The following SHANK2 variants were observed in gnomAD, a reference collection of about 807,000 sequenced individuals.
The protein encoded by SHANK2 is SH3 and multiple ankyrin repeat domains 2.
A neutral mutation model predicts 133.7 loss-of-function variants in SHANK2; 43 were observed. The ratio of observed to expected loss-of-function variants is 0.32; its 90% CI spans 0.25 to 0.41. The LOEUF (loss-of-function observed/expected upper bound fraction) is 0.41, where lower values mean the gene tolerates loss of function less well. Among genes scored for constraint, SHANK2 ranks in the 10% least tolerant of loss-of-function variants. The pLI is 1.00. For missense variants in SHANK2, 1,994 were observed against 2,235.8 expected (o/e 0.89, Z 2.18); for synonymous variants, 1,017 against 952.8 (o/e 1.07, Z -1.24).
intron 10 of SHANK2, chr11:70,950,034 T>C (rs1387311968): frequency 2.2e-6 from 1 of 456,538 alleles, no homozygotes; most frequent in Non-Finnish European, 4.4e-6. Flanking sequence ...TGTGTCTTCA[T>C]GGGCGGAAAG....
chr11:71,126,019 A>G (rs562163719), intron 3 of SHANK2, among the ~76,000 whole-genome samples: 1 of 152,174 alleles, frequency 6.6e-6, no homozygotes, highest in East Asian at 1.9e-4. Flanking sequence ...AGAGACAGAG[A>G]CCAGCCTGGC....
At chr11:70,636,299 G>T (rs530773267) in intron 17 of SHANK2, among the ~76,000 whole-genome samples, 1 of 152,226 alleles carries the variant, frequency 6.6e-6, no homozygotes, top group African/African-American at 2.4e-5. Flanking sequence ...GAGTATGTGT[G>T]TGAGCAGATG....
intron 15 of SHANK2, 175 bp from the exon 16 acceptor site, chr11:70,661,853 G>C (rs1278116233): frequency 2.5e-6 from 4 of 1,580,668 alleles, no homozygotes; most frequent in Admixed American, 1.7e-5. Context: ...AAGGAAGAGG[G>C]GGGTGGCTAC....
At chr11:71,244,314 C>T (rs1954932690) in intron 1 of SHANK2, among the ~76,000 whole-genome samples, 1 of 152,244 alleles carries the variant, frequency 6.6e-6, no homozygotes, top group African/African-American at 2.4e-5. Flanking sequence ...AAGCCCCTGA[C>T]TAAACTCCAC....
intron 17 of SHANK2, among the ~76,000 whole-genome samples, chr11:70,560,694 C>T (rs951473363): frequency 1.5e-4 from 22 of 150,682 alleles, no homozygotes; most frequent in African/African-American, 5.4e-4. Context: ...CGCAGTGGCA[C>T]GATCTCGGCT....
At position 70,505,619 on chromosome 11, in the gene SHANK2, C is replaced by A. The variant is rs114915878; in HGVS notation, c.2062-2688G>T. Among the ~76,000 whole-genome samples, 920 of 152,276 alleles carry A rather than the reference C, an allele frequency of 6.0e-3. 6 individuals are homozygous for A. The highest frequency in any genetic ancestry group is 0.02 in the African/African-American group (852 of 41,584). On this transcript the variant is annotated intron_variant, in intron 17 of 25. Transcript: ENST00000601538. ...TGCCGGGCCTTGAGGGGGCTCCAAC[C>A]AAGAAAGTGCATATTACTGCCTGCT...
intron 9 of SHANK2, among the ~76,000 whole-genome samples, chr11:71,064,993 G>C (rs957768180): frequency 6.6e-6 from 1 of 152,140 alleles, no homozygotes; most frequent in Non-Finnish European, 1.5e-5. Flanking sequence ...AGGTCACCTC[G>C]GGAGTCACTG....
At chr11:70,670,199 C>T (rs1191581122) in intron 15 of SHANK2, among the ~76,000 whole-genome samples, 2 of 152,220 alleles carry the variant, frequency 1.3e-5, no homozygotes, top group African/African-American at 4.8e-5. Context: ...CTGAGAGCAG[C>T]TTCGCTAAAT....
intron 14 of SHANK2, among the ~76,000 whole-genome samples, chr11:70,714,863 C>T (rs1354268881): frequency 6.6e-6 from 1 of 152,028 alleles, no homozygotes; most frequent in Non-Finnish European, 1.5e-5. Context: ...TGGAGTACAG[C>T]AGTGCAATCA....
chr11:70,489,973 C>T, intron 23 of SHANK2: 1 of 158,950 alleles, frequency 6.3e-6, no homozygotes, highest in South Asian at 2.0e-4. Flanking sequence ...TCGCACCACC[C>T]CGCCCACCCT....
chr11:70,532,921 G>A (rs1357181131), intron 17 of SHANK2, among the ~76,000 whole-genome samples: 2 of 77,474 alleles, frequency 2.6e-5, no homozygotes, highest in Non-Finnish European at 5.2e-5. Context: ...GACACTCACA[G>A]AAAGGAATGA....
At chr11:70,700,692 T>C (rs1182430777) in intron 14 of SHANK2, among the ~76,000 whole-genome samples, 1 of 152,162 alleles carries the variant, frequency 6.6e-6, no homozygotes, top group Non-Finnish European at 1.5e-5. Flanking sequence ...TTATGAAGTC[T>C]GCCTGGCAGC....
chr11:70,610,948 A>G (rs1275068317), intron 17 of SHANK2, among the ~76,000 whole-genome samples: 1 of 152,234 alleles, frequency 6.6e-6, no homozygotes, highest in Non-Finnish European at 1.5e-5. Context: ...ATATGGAACT[A>G]TGGGGCACGG....
chr11:71,173,143 TA>T (rs1305123171), intron 2 of SHANK2, among the ~76,000 whole-genome samples: 52 of 152,376 alleles, frequency 3.4e-4, no homozygotes, highest in African/African-American at 1.2e-3. Flanking sequence ...CTATTACATT[TA>T]TTTTTTCAAG....
intron 2 of SHANK2, among the ~76,000 whole-genome samples, chr11:71,192,962 A>G (rs985119104): frequency 2.6e-5 from 4 of 152,344 alleles, no homozygotes; most frequent in East Asian, 3.9e-4. Context: ...CAAACATCCA[A>G]TTCAAACAAG....
At chr11:70,650,336 CAG>C (rs1299303319) in intron 17 of SHANK2, among the ~76,000 whole-genome samples, 3 of 152,172 alleles carry the variant, frequency 2.0e-5, no homozygotes, top group African/African-American at 4.8e-5. Context: ...TCCAAGGACA[CAG>C]GGGACAGAAA....
In SHANK2 at chr11:71,225,595, T is replaced by C. The variant is rs549208666; in HGVS notation, c.-112-799A>G. Among the ~76,000 whole-genome samples, 100 of 152,252 alleles carry C rather than the reference T, an allele frequency of 6.6e-4. 2 individuals carry two copies. The highest frequency in any genetic ancestry group is 2.7e-3 in the South Asian group (13 of 4,814). On this transcript the variant is annotated intron_variant, in intron 1 of 25. Coordinates refer to ENST00000601538, the MANE Select transcript of SHANK2 (RefSeq NM_012309.5). ...ATAATACAAATATGTCCAAGTTTCA[T>C]TAGAAAATCACCCATCAAACCAAGG...
At chr11:70,539,369 ATTT>A (rs2059584488) in intron 17 of SHANK2, among the ~76,000 whole-genome samples, 1 of 152,220 alleles carries the variant, frequency 6.6e-6, no homozygotes, top group Non-Finnish European at 1.5e-5. Context: ...AATGAAGAAC[ATTT>A]TAGAACATTC....
chr11:70,636,016 T>C (rs1386638958), intron 17 of SHANK2, among the ~76,000 whole-genome samples: 4 of 152,242 alleles, frequency 2.6e-5, no homozygotes, highest in Non-Finnish European at 4.4e-5. Flanking sequence ...AGGTGGGGCC[T>C]TGCACTCACC....
Sources: allele counts gnomAD v4.1 joint callset (sites outside exome capture counted in the v4.1 genomes callset), GRCh38; gene constraint gnomAD v4.1.1; transcripts MANE v1.5; gene names NCBI Gene and HGNC (gene_info 2026-07-23, HGNC 2026-07-21).